Variants in ACSS2 observed in about 807,000 individuals in gnomAD.
ACSS2 encodes the protein acyl-CoA synthetase short chain family member 2.
Under a neutral mutation model 90.6 loss-of-function variants are expected in ACSS2, and 58 were observed. That is an observed-to-expected ratio of 0.64 (90% CI 0.52 to 0.80). The LOEUF (loss-of-function observed/expected upper bound fraction) is 0.80, where lower values mean the gene tolerates loss of function less well. Among genes scored for constraint, ACSS2 ranks in the 30% least tolerant of loss-of-function variants. The pLI, the probability that ACSS2 is intolerant of heterozygous loss-of-function variation, is 0.00. For synonymous variants in ACSS2, 300 were observed against 330.9 expected (o/e 0.91, Z 1.01); for missense variants, 759 against 912.0 (o/e 0.83, Z 2.16).
At chr20:34,917,444 TCTCTACCATAAGGGG>T (rs1193645311) in intron 7 of ACSS2, among the ~76,000 whole-genome samples, 1 of 152,200 alleles carries the variant, frequency 6.6e-6, no homozygotes. Context: ...AATTTCAAAT[TCTCTACCATAAGGGG>T]CAGGTGGTAC....
At chr20:34,888,195 A>T (rs561027963) in intron 2 of ACSS2, among the ~76,000 whole-genome samples, 1 of 152,094 alleles carries the variant, frequency 6.6e-6, no homozygotes, top group Non-Finnish European at 1.5e-5. Flanking sequence ...GATTAGGAGA[A>T]TGGGTGTTTT....
intron 2 of ACSS2, among the ~76,000 whole-genome samples, chr20:34,901,659 T>C (rs184460184): frequency 7.2e-5 from 11 of 152,356 alleles, no homozygotes; most frequent in African/African-American, 2.4e-4. Flanking sequence ...TTTCATTTTA[T>C]AGAATCAAAG....
At chr20:34,877,164 T>G (rs2079936140) in intron 1 of ACSS2, among the ~76,000 whole-genome samples, 1 of 150,700 alleles carries the variant, frequency 6.6e-6, no homozygotes, top group African/African-American at 2.4e-5. Flanking sequence ...AGAAGGGGAG[T>G]TCCTGAGGCG....
rs2081337926 is a variant in ACSS2, at chr20:34,927,134, G to A, written c.2026G>A (p.Asp676Asn). 1 of 1,614,044 alleles carries A rather than the reference G, an allele frequency of 6.2e-7. No individual in the cohort carries two copies. Among genetic ancestry groups the A allele is most frequent in the Non-Finnish European group, 8.5e-7 (1 of 1,180,044 alleles). The change falls in exon 18 of 18, where the codon GAC becomes AAC. Residue 676 changes from aspartate to asparagine, a missense_variant. By Grantham distance (23) the Asp-to-Asn change is conservative. Transcript: ENST00000360596. This position sits in a 1 kb window ranked among gnomAD's most constrained non-coding sequence, Gnocchi z 4.2. ...TCGGAAGATTGCTCAGAATGACCAT[G>A]ACCTCGGGGACATGTCTACTGTGGC... ...VLRKIAQNDH[D>N]LGDMSTVADP...
chr20:34,906,707 G>A lies in ACSS2; in HGVS notation c.375-6389G>A, dbSNP rs144669126. Among the ~76,000 whole-genome samples the A allele has an allele frequency of 8.5e-5, 13 of 152,256 alleles. No individual in the cohort carries two copies. The East Asian group carries it at 2.5e-3, about 29-fold the overall frequency. On this transcript the variant is annotated intron_variant, in intron 2 of 17. Transcript: ENST00000360596. ...AAATAAGATCTCTGCTGTCAGCTGGGTGCAGTGGCTCACGCCTGTAATCCC... is the reference window on the plus strand; with the variant it reads ...AAATAAGATCTCTGCTGTCAGCTGGATGCAGTGGCTCACGCCTGTAATCCC...
intron 10 of ACSS2, 74 bp downstream of exon 10, chr20:34,921,213 T>C: frequency 6.2e-7 from 1 of 1,609,080 alleles, no homozygotes. Flanking sequence ...CAGTCTCTTC[T>C]TTTCCATTGT....
At chr20:34,890,412 A>G (rs2080305991) in intron 2 of ACSS2, among the ~76,000 whole-genome samples, 1 of 152,130 alleles carries the variant, frequency 6.6e-6, no homozygotes, top group African/African-American at 2.4e-5. Context: ...AGGTATTGGG[A>G]TAGTCATTCA....
chr20:34,925,781 CCA>C lies in ACSS2; in HGVS notation c.1726+17_1726+18del. 6.2e-7 allele frequency: 1 copy of C among 1,607,796 alleles called. No homozygotes were observed. Among genetic ancestry groups the C allele is most frequent in the South Asian group, 1.1e-5 (1 of 90,014 alleles). On this transcript the variant is annotated intron_variant, in intron 15 of 17. Transcript: ENST00000360596. ...CAATGTATCTGGTGAGGGCCAGGGGCCACCTTCCCATCTTATTAACTCTGCTC... is the reference window on the plus strand; with the variant it reads ...CAATGTATCTGGTGAGGGCCAGGGGCCCTTCCCATCTTATTAACTCTGCTC...
chr20:34,884,340 C>A (rs1018531210), intron 2 of ACSS2, among the ~76,000 whole-genome samples: 1 of 152,102 alleles, frequency 6.6e-6, no homozygotes, highest in African/African-American at 2.4e-5. Context: ...ATATCTTTGC[C>A]CAGTTTGTGT....
intron 1 of ACSS2, among the ~76,000 whole-genome samples, chr20:34,879,548 A>C (rs1243805996): frequency 7.3e-5 from 11 of 150,280 alleles, no homozygotes. Context: ...CCCCAAAAAA[A>C]CCCAGAAAAA....
chr20:34,879,496 G>GACACACACACACAC (rs11467604), intron 1 of ACSS2, among the ~76,000 whole-genome samples: 45 of 147,896 alleles, frequency 3.0e-4, no homozygotes, highest in African/African-American at 1.0e-3. Flanking sequence ...TCCAGATTCT[G>GACACACACACACAC]ACACACACAC....
At chr20:34,892,430 T>C (rs1309860826) in intron 2 of ACSS2, among the ~76,000 whole-genome samples, 1 of 151,842 alleles carries the variant, frequency 6.6e-6, no homozygotes, top group African/African-American at 2.4e-5. Context: ...TTGGTCCAAT[T>C]CCCACACAAA....
chr20:34,887,257 A>AT (rs1297973431), intron 2 of ACSS2, among the ~76,000 whole-genome samples: 3 of 152,152 alleles, frequency 2.0e-5, no homozygotes, highest in East Asian at 1.9e-4. Context: ...CTAGTCAACT[A>AT]TTTTTTTTCA....
intron 2 of ACSS2, among the ~76,000 whole-genome samples, chr20:34,903,210 C>T (rs1436150358): frequency 6.6e-6 from 1 of 151,958 alleles, no homozygotes; most frequent in Non-Finnish European, 1.5e-5. Flanking sequence ...GGCATGGTGG[C>T]ATGCACCTGT....
intron 14 of ACSS2, 28 bp downstream of exon 14, chr20:34,923,459 C>T (rs2081246250): frequency 1.3e-6 from 2 of 1,523,294 alleles, no homozygotes; most frequent in Non-Finnish European, 9.1e-7. Context: ...CCCTCTTGCA[C>T]CTCCCACTAA....
In ACSS2 at chr20:34,927,261, C is replaced by T. The variant is rs202122130; in HGVS notation, c.*47C>T. On this transcript the variant is annotated 3_prime_UTR_variant, in exon 18 of 18. Transcript: ENST00000360596. The surrounding 1 kb of genome is among the most constrained non-coding windows in gnomAD (Gnocchi z 4.2). ...AGGATTCCTCCTGCTCCAAACTTTG[C>T]CCATCCTCTTTGCCCCCTCAGGAGT... 6 of 1,606,350 alleles carry T rather than the reference C, an allele frequency of 3.7e-6. No individual in the cohort carries two copies. Among genetic ancestry groups the T allele is most frequent in the Non-Finnish European group, 5.1e-6 (6 of 1,178,934 alleles).
At position 34,922,957 on chromosome 20, in the gene ACSS2, A is replaced by T. The variant is rs545910848; in HGVS notation, c.1549-366A>T. On this transcript the variant is annotated intron_variant, in intron 13 of 17. Coordinates refer to ENST00000360596, the MANE Select transcript of ACSS2 (RefSeq NM_018677.4). Reference sequence around the variant, plus strand: ...TAAATGAGTGTTTTCATTTGTATCAAACTGGACCTGCTTTCCTCAAGGATT... The same window carrying T: ...TAAATGAGTGTTTTCATTTGTATCATACTGGACCTGCTTTCCTCAAGGATT... 7.4e-5 allele frequency: 13 copies of T among 175,190 alleles called. 1 individual carries two copies. Among genetic ancestry groups the T allele is most frequent in the Admixed American group, 6.2e-4 (11 of 17,690 alleles). The allele number at this position is 175,190 out of a possible 1,614,324, so 10.9% of individuals were successfully genotyped here. A position where few individuals can be genotyped will look rare whatever the true frequency, so the allele number is the denominator to read the frequency against.
chr20:34,901,451 C>A (rs944240820), intron 2 of ACSS2, among the ~76,000 whole-genome samples: 50 of 152,260 alleles, frequency 3.3e-4, no homozygotes, highest in African/African-American at 1.1e-3. Flanking sequence ...CCTCCATCTA[C>A]CTCCTCCTTC....
In ACSS2 at chr20:34,927,890, T is replaced by C. The variant is rs1314860255; in HGVS notation, c.*676T>C. ...CCAGCCCATAAGAGACATTCTCAGA[T>C]GAAACTCTGTTTTCTTGCCCCAGTC... On this transcript the variant is annotated 3_prime_UTR_variant, in exon 18 of 18. Transcript: ENST00000360596. The surrounding 1 kb of genome is among the most constrained non-coding windows in gnomAD (Gnocchi z 4.2). The C allele has an allele frequency of 6.5e-6, 1 of 152,778 alleles. No homozygotes were observed. The highest frequency in any genetic ancestry group is 1.5e-5 in the Non-Finnish European group (1 of 68,406). The allele number at this position is 152,778 out of a possible 1,614,324, so 9.5% of individuals were successfully genotyped here. A position where few individuals can be genotyped will look rare whatever the true frequency, so the allele number is the denominator to read the frequency against.
Sources: allele counts gnomAD v4.1 joint callset (sites outside exome capture counted in the v4.1 genomes callset), GRCh38; gene constraint gnomAD v4.1.1; non-coding constraint Gnocchi (gnomAD v3.1); transcripts MANE v1.5; gene names NCBI Gene and HGNC (gene_info 2026-07-23, HGNC 2026-07-21).